Variants in NREP observed in about 807,000 individuals in gnomAD.
NREP encodes neuronal regeneration related protein.
In NREP, 5 loss-of-function variants were observed where a neutral mutation model predicts 8.6. The observed-to-expected ratio is 0.58, with a 90% CI of 0.30 to 1.22. The LOEUF (loss-of-function observed/expected upper bound fraction) is 1.22, where lower values mean the gene tolerates loss of function less well. Among genes scored for constraint, NREP ranks in the 50% most tolerant of loss-of-function variants. The pLI, the probability that NREP is intolerant of heterozygous loss-of-function variation, is 0.07. For missense variants in NREP, 86 were observed against 82.5 expected (o/e 1.04, Z -0.17); for synonymous variants, 27 against 28.0 (o/e 0.96, Z 0.11).
Position 111,754,252 on chromosome 5 carries a change from C to A in NREP, c.3+1518G>T, listed in dbSNP as rs1046734604. Reference sequence around the variant, plus strand: ...TTCCAACTTCCACTCTCAGCTTTGGCAGGCATGCTTACCTTCTACAAAGCT... The same window carrying A: ...TTCCAACTTCCACTCTCAGCTTTGGAAGGCATGCTTACCTTCTACAAAGCT... On this transcript the variant is annotated intron_variant, in intron 2 of 3. Transcript: ENST00000257435. Among the ~76,000 whole-genome samples the A allele has an allele frequency of 1.9e-4, 29 of 152,214 alleles. 1 individual carries two copies. Among genetic ancestry groups the A allele is most frequent in the African/African-American group, 7.0e-4 (29 of 41,450 alleles).
At chr5:111,770,414 G>C (rs975142442) in intron 2 of NREP, among the ~76,000 whole-genome samples, 2 of 152,112 alleles carry the variant, frequency 1.3e-5, no homozygotes, top group African/African-American at 4.8e-5. Flanking sequence ...GAATTCATTT[G>C]AGGTTTTAAA....
intron 2 of NREP, among the ~76,000 whole-genome samples, chr5:111,910,604 G>C (rs1054804692): frequency 3.3e-5 from 5 of 152,016 alleles, no homozygotes; most frequent in Non-Finnish European, 7.4e-5. Flanking sequence ...GATAAAAAAT[G>C]CTTGCCGAGT....
intron 2 of NREP, among the ~76,000 whole-genome samples, chr5:111,865,623 CAATA>C (rs1466360393): frequency 6.6e-6 from 1 of 152,104 alleles, no homozygotes; most frequent in African/African-American, 2.4e-5. Flanking sequence ...GACTTGGAAG[CAATA>C]AATAGTTATG....
chr5:111,865,488 CTGAGAGCTT>C (rs1420838348), intron 2 of NREP, among the ~76,000 whole-genome samples: 5 of 152,144 alleles, frequency 3.3e-5, no homozygotes, highest in African/African-American at 1.2e-4. Context: ...ACATGTAACA[CTGAGAGCTT>C]GACCATATTC....
intron 2 of NREP, among the ~76,000 whole-genome samples, chr5:111,866,984 G>A (rs62371611): frequency 0.43 from 63,433 of 148,954 alleles, 15,912 homozygotes; most frequent in Non-Finnish European, 0.58. Context: ...ATCACACACC[G>A]GGGCCTGTTG....
chr5:111,812,738 A>T (rs1033689005), intron 2 of NREP, among the ~76,000 whole-genome samples: 1 of 152,162 alleles, frequency 6.6e-6, no homozygotes, highest in African/African-American at 2.4e-5. Context: ...ACTCAGTGGT[A>T]GTCCTAATAT....
At chr5:111,864,107 G>A (rs1433281417) in intron 2 of NREP, among the ~76,000 whole-genome samples, 1 of 152,072 alleles carries the variant, frequency 6.6e-6, no homozygotes, top group Non-Finnish European at 1.5e-5. Context: ...GAAGATCATG[G>A]CATCTCTAAT....
At chr5:111,918,281 C>A (rs1442864873) in intron 2 of NREP, among the ~76,000 whole-genome samples, 1 of 152,076 alleles carries the variant, frequency 6.6e-6, no homozygotes. Flanking sequence ...GCCATACTGC[C>A]CAAAATAATT....
At chr5:111,917,693 C>G (rs1180785798) in intron 2 of NREP, among the ~76,000 whole-genome samples, 5 of 152,062 alleles carry the variant, frequency 3.3e-5, no homozygotes, top group African/African-American at 9.7e-5. Context: ...AAACTAAGTA[C>G]TGATGGAACA....
intron 2 of NREP, among the ~76,000 whole-genome samples, chr5:111,911,826 T>C (rs928710407): frequency 1.3e-5 from 2 of 152,110 alleles, no homozygotes; most frequent in African/African-American, 2.4e-5. Flanking sequence ...AAATAATTTA[T>C]ACTCATTGCC....
intron 2 of NREP, among the ~76,000 whole-genome samples, chr5:111,844,152 A>G (rs1399646135): frequency 6.6e-6 from 1 of 152,182 alleles, no homozygotes; most frequent in East Asian, 1.9e-4. Context: ...ATAGAATAAA[A>G]GAGTTATAAA....
intron 2 of NREP, among the ~76,000 whole-genome samples, chr5:111,746,757 C>A (rs941069113): frequency 6.6e-6 from 1 of 152,066 alleles, no homozygotes; most frequent in South Asian, 2.1e-4. Context: ...TCAAACTAAG[C>A]CACCAAATCC....
At chr5:111,901,823 A>G (rs1166482077) in intron 2 of NREP, among the ~76,000 whole-genome samples, 1 of 152,196 alleles carries the variant, frequency 6.6e-6, no homozygotes, top group Admixed American at 6.5e-5. Flanking sequence ...ATGAAAAGAT[A>G]TCCCATGATC....
At chr5:111,932,408 C>T (rs1042257392) in intron 2 of NREP, among the ~76,000 whole-genome samples, 1 of 152,074 alleles carries the variant, frequency 6.6e-6, no homozygotes, top group Admixed American at 6.6e-5. Context: ...CACAGTTATA[C>T]AGTCACATTC....
chr5:111,776,669 A>C (rs1439461926), intron 2 of NREP, among the ~76,000 whole-genome samples: 2 of 152,188 alleles, frequency 1.3e-5, no homozygotes, highest in Non-Finnish European at 2.9e-5. Flanking sequence ...TTTACACTAC[A>C]ACATGGAAAA....
chr5:111,785,166 G>A (rs1324777604), intron 2 of NREP, among the ~76,000 whole-genome samples: 1 of 152,166 alleles, frequency 6.6e-6, no homozygotes, highest in East Asian at 1.9e-4. Context: ...TCTTCCTTTA[G>A]CATAGATTCT....
intron 2 of NREP, among the ~76,000 whole-genome samples, chr5:111,873,565 C>T (rs1753837251): frequency 6.6e-6 from 1 of 152,154 alleles, no homozygotes; most frequent in South Asian, 2.1e-4. Context: ...TTCCTTGGCT[C>T]CTGGCCCCTT....
intron 2 of NREP, among the ~76,000 whole-genome samples, chr5:111,974,784 A>C (rs1173675034): frequency 6.6e-6 from 1 of 152,246 alleles, no homozygotes; most frequent in Non-Finnish European, 1.5e-5. Context: ...AGATTCTTAC[A>C]TACCTATAAA....
intron 2 of NREP, among the ~76,000 whole-genome samples, chr5:111,828,786 T>C (rs1752691929): frequency 6.6e-6 from 1 of 152,176 alleles, no homozygotes; most frequent in Non-Finnish European, 1.5e-5. Flanking sequence ...ATTATTACAT[T>C]CAACAAATAT....
Sources: gnomAD v4.1 joint callset for allele counts (sites outside exome capture counted in the v4.1 genomes callset) on GRCh38, gnomAD v4.1.1 for gene constraint, MANE v1.5 for transcripts, NCBI Gene and HGNC (gene_info 2026-07-23, HGNC 2026-07-21) for gene names.